Variants in KMT2B observed in about 807,000 individuals in gnomAD.
The protein encoded by KMT2B is histone-lysine N-methyltransferase 2B.
A neutral mutation model predicts 255.3 loss-of-function variants in KMT2B; 22 were observed. The ratio of observed to expected loss-of-function variants is 0.09; its 90% CI spans 0.06 to 0.12. The LOEUF is 0.12. Ranked by LOEUF, KMT2B falls within the 10% of genes least tolerant of loss-of-function variation. KMT2B has a pLI of 1.00. For synonymous variants in KMT2B, 1,730 were observed against 1,498.1 expected, an observed-to-expected ratio of 1.15 and a Z score of -3.57; for missense variants, 3,149 against 3,737.0, an observed-to-expected ratio of 0.84 and a Z score of 4.10.
rs775685548 is a variant in KMT2B, at chr19:35,733,409, G to A, written c.6860G>A (p.Arg2287Gln). ...RVKRVSTFSG[R>Q]SPPAPPPYKA... is the part of the protein sequence containing the mutation. Reference sequence around the variant, plus strand: ...AAGAGGGTGTCCACTTTCTCCGGCCGGTCCCCGCCAGCACCTCCCCCATAC... The same window carrying A: ...AAGAGGGTGTCCACTTTCTCCGGCCAGTCCCCGCCAGCACCTCCCCCATAC... Residue 2287 changes from arginine to glutamine, a missense_variant, in exon 28 of 37, where the codon CGG becomes CAG. Physicochemically the swap from Arg to Gln is conservative, Grantham distance 43. This residue lies in a region of KMT2B where 897 missense variants were observed against 825.3 expected (regional missense o/e 1.09). Transcript: ENST00000420124. This position sits in a 1 kb window ranked among gnomAD's most constrained non-coding sequence, Gnocchi z 4.3. The A allele has an allele frequency of 1.3e-5, 20 of 1,550,154 alleles. No individual in the cohort carries two copies. The highest frequency in any genetic ancestry group is 9.8e-5 in the Admixed American group (5 of 51,224).
chr19:35,729,029 C>T lies in KMT2B; in HGVS notation c.4732C>T (p.Pro1578Ser). The T allele has an allele frequency of 6.2e-7, 1 of 1,614,006 alleles. No homozygotes were observed. Among genetic ancestry groups the T allele is most frequent in the Non-Finnish European group, 8.5e-7 (1 of 1,179,888 alleles). ...DPAAFSHLEDPRQCALCLKYG... is the reference protein window; with the variant it reads ...DPAAFSHLEDSRQCALCLKYG... ...GGCTGCCTTCTCACACCTGGAGGAC[C>T]CCCGTCAGTGTGCACTCTGCCTCAA... is the stretch of plus-strand genomic sequence containing the variant. The change falls in exon 21 of 37, where the codon CCC (proline) becomes TCC (serine). Residue 1578 changes from proline to serine, a missense_variant. This residue lies in a region of KMT2B where 377 missense variants were observed against 471.0 expected (regional missense o/e 0.80). Transcript: ENST00000420124.
chr19:35,731,869 G>A (rs933547942), intron 26 of KMT2B, 39 bp from the exon 27 acceptor site: 2 of 1,466,746 alleles, frequency 1.4e-6, no homozygotes, highest in African/African-American at 2.8e-5. Context: ...CTTTGACACA[G>A]AGCCCCTACC....
In KMT2B at chr19:35,736,955, G is replaced by A. The variant is rs1969939564; in HGVS notation, c.7341G>A (p.Gly2447=). 5.0e-6 allele frequency: 8 copies of A among 1,613,908 alleles called. No homozygotes were observed. The highest frequency in any genetic ancestry group is 1.1e-5 in the South Asian group (1 of 91,060). Residue 2447 remains glycine (G), a synonymous_variant, in exon 32 of 37, where the codon GGG becomes GGA. Transcript: ENST00000420124. ...TLIEKVQEAR[G]HARLRHLSFS... Reference sequence around the variant, plus strand: ...TCGAGAAAGTGCAAGAGGCCCGAGGGCATGCCCGACTCAGACATCTCTCCT... The same window carrying A: ...TCGAGAAAGTGCAAGAGGCCCGAGGACATGCCCGACTCAGACATCTCTCCT...
In KMT2B at chr19:35,725,138, G is replaced by A. The variant is rs140595636; in HGVS notation, c.3528+51G>A. On this transcript the variant is annotated intron_variant, in intron 10 of 36. Coordinates refer to ENST00000420124, the MANE Select transcript of KMT2B (RefSeq NM_014727.3). The surrounding 1 kb of genome is among the most constrained non-coding windows in gnomAD (Gnocchi z 4.1). The stretch of plus-strand genomic sequence containing the variant: ...CAGAGCCTCTGGTTGGAAGAACCTC[G>A]ATGACTGTGTCATCGAGAAGCCAGG... 1.4e-3 allele frequency: 2,259 copies of A among 1,580,286 alleles called. 12 individuals carry two copies. Among genetic ancestry groups the A allele is most frequent in the African/African-American group, 6.0e-3 (445 of 74,290 alleles).
Position 35,719,968 on chromosome 19 carries a change from G to T in KMT2B, c.621G>T (p.Arg207=), listed in dbSNP as rs776026886. The change falls in exon 3 of 37, where the codon CGG becomes CGT. Residue 207 remains arginine (R), a synonymous_variant. Coordinates refer to ENST00000420124, the MANE Select transcript of KMT2B (RefSeq NM_014727.3). Reference sequence around the variant, plus strand: ...GGGCCCAGGCACCCCAAGCACCCCGGAGCCGGGCATGTGAGCCCTCCACCC... The same window carrying T: ...GGGCCCAGGCACCCCAAGCACCCCGTAGCCGGGCATGTGAGCCCTCCACCC... ...LRRAQAPQAP[R]SRACEPSTPR... The T allele has an allele frequency of 3.7e-6, 6 of 1,613,220 alleles. No individual in the cohort carries two copies. The highest frequency in any genetic ancestry group is 2.2e-5 in the East Asian group (1 of 44,860).
At chr19:35,726,167 G>T (rs1026586113) in intron 13 of KMT2B, 69 bp from the exon 14 acceptor site, 9 of 1,183,472 alleles carry the variant, frequency 7.6e-6, no homozygotes, top group Non-Finnish European at 1.1e-5. Context: ...ATTCCTCCTC[G>T]CCCGTCTCCC....
At position 35,719,973 on chromosome 19, in the gene KMT2B, G is replaced by T; in HGVS notation, c.626G>T (p.Arg209Leu). 1 of 1,613,242 alleles carries T rather than the reference G, an allele frequency of 6.2e-7. No individual in the cohort carries two copies. The highest frequency in any genetic ancestry group is 1.3e-5 in the African/African-American group (1 of 75,000). ...RAQAPQAPRS[R>L]ACEPSTPRRS... ...CAGGCACCCCAAGCACCCCGGAGCCGGGCATGTGAGCCCTCCACCCCCCGG... is the reference window on the plus strand; with the variant it reads ...CAGGCACCCCAAGCACCCCGGAGCCTGGCATGTGAGCCCTCCACCCCCCGG... The change falls in exon 3 of 37, where the codon CGG (arginine) becomes CTG (leucine). Residue 209 changes from arginine to leucine, a missense_variant. Transcript: ENST00000420124.
At chr19:35,730,511 T>C (rs745448215) in intron 24 of KMT2B, 27 bp from the exon 25 acceptor site, 3 of 1,613,974 alleles carry the variant, frequency 1.9e-6, no homozygotes, top group Non-Finnish European at 8.5e-7. Context: ...CCTGCCTGCC[T>C]CTCCTGACCT....
At position 35,738,027 on chromosome 19, in the gene KMT2B, T is replaced by TC. The variant is rs758366958; in HGVS notation, c.7743-29dup. On this transcript the variant is annotated intron_variant, in intron 35 of 36. Transcript: ENST00000420124. The surrounding 1 kb of genome is among the most constrained non-coding windows in gnomAD (Gnocchi z 8.7). ...GGGTACTGTCTGGTTTCTGTCCCCC[T>TC]CCCCCCTGAGTTCCCTGTTCATCCT... 1.9e-6 allele frequency: 3 copies of TC among 1,613,002 alleles called. No individual in the cohort carries two copies. In the African/African-American group the frequency reaches 4.0e-5, roughly 22 times the overall value.
In KMT2B at chr19:35,732,075, AACT is replaced by A; in HGVS notation, c.5609_5611del (p.Tyr1870del). 2 of 1,610,030 alleles carry A rather than the reference AACT, an allele frequency of 1.2e-6. No individual in the cohort carries two copies. The highest frequency in any genetic ancestry group is 8.5e-7 in the Non-Finnish European group (1 of 1,178,352). Reference sequence around the variant, plus strand: ...TTCGGGGGCTCGAATCAAAGTGCCCAACTACTCGCCATCCCGGAGGCCCTTGGG... The same window carrying A: ...TTCGGGGGCTCGAATCAAAGTGCCCAACTCGCCATCCCGGAGGCCCTTGGG... On this transcript the variant is annotated inframe_deletion, in exon 27 of 37. Coordinates refer to ENST00000420124, the MANE Select transcript of KMT2B (RefSeq NM_014727.3).
intron 26 of KMT2B, among the ~76,000 whole-genome samples, chr19:35,731,691 C>T (rs1215698686): frequency 2.0e-5 from 3 of 152,110 alleles, no homozygotes; most frequent in Non-Finnish European, 4.4e-5. Flanking sequence ...TGGCAAGGAG[C>T]GAGTGGGGAG....
At position 35,733,405 on chromosome 19, in the gene KMT2B, G is replaced by A. The variant is rs1344970466; in HGVS notation, c.6856G>A (p.Gly2286Ser). The A allele has an allele frequency of 4.5e-6, 7 of 1,547,938 alleles. No homozygotes were observed. Among genetic ancestry groups the A allele is most frequent in the South Asian group, 2.4e-5 (2 of 83,918 alleles). ...IRVKRVSTFS[G>S]RSPPAPPPYK... Reference sequence around the variant, plus strand: ...CGTCAAGAGGGTGTCCACTTTCTCCGGCCGGTCCCCGCCAGCACCTCCCCC... The same window carrying A: ...CGTCAAGAGGGTGTCCACTTTCTCCAGCCGGTCCCCGCCAGCACCTCCCCC... Residue 2286 changes from glycine to serine, a missense_variant, in exon 28 of 37, where the codon GGC becomes AGC. Physicochemically the swap from Gly to Ser is moderately conservative, Grantham distance 56. This residue lies in a region of KMT2B where 897 missense variants were observed against 825.3 expected (regional missense o/e 1.09). Transcript: ENST00000420124. This position sits in a 1 kb window ranked among gnomAD's most constrained non-coding sequence, Gnocchi z 4.3.
In KMT2B at chr19:35,720,458, G is replaced by A. The variant is rs779453478; in HGVS notation, c.1111G>A (p.Glu371Lys). 7.1e-6 allele frequency: 11 copies of A among 1,551,918 alleles called. 1 individual carries two copies. The highest frequency in any genetic ancestry group is 3.3e-4 in the Middle Eastern group (2 of 6,016). Residue 371 changes from glutamate (E) to lysine (K), a missense_variant, in exon 3 of 37, where the codon GAA (glutamate) becomes AAA (lysine). By Grantham distance (56) the Glu-to-Lys change is moderately conservative. Transcript: ENST00000420124. ...TGACGAGGAAGAAGAGAAGAAAGAA[G>A]AAGAAGAAAAAGACAAGGAGGGAGA... ...LDDEEEEKKE[E>K]EEKDKEGEEK... is the part of the protein sequence containing the mutation.
In KMT2B at chr19:35,721,041, C is replaced by T. The variant is rs1314189710; in HGVS notation, c.1694C>T (p.Pro565Leu). The change falls in exon 3 of 37, where the codon CCT becomes CTT. Residue 565 changes from proline (P) to leucine (L), a missense_variant. Coordinates refer to ENST00000420124, the MANE Select transcript of KMT2B (RefSeq NM_014727.3). The part of the protein sequence containing the change: ...PKVEVSPVLR[P>L]PITTSPPVPQ... Reference sequence around the variant, plus strand: ...GTGGAGGTCTCACCTGTCCTGCGACCTCCCATTACCACCTCCCCACCTGTT... The same window carrying T: ...GTGGAGGTCTCACCTGTCCTGCGACTTCCCATTACCACCTCCCCACCTGTT... 8.7e-6 allele frequency: 14 copies of T among 1,609,760 alleles called. No individual in the cohort carries two copies. The highest frequency in any genetic ancestry group is 1.2e-5 in the Non-Finnish European group (14 of 1,178,438).
chr19:35,737,378 T>G lies in KMT2B; in HGVS notation c.7550+115T>G. The G allele has an allele frequency of 8.8e-7, 1 of 1,138,462 alleles. No homozygotes were observed. Among genetic ancestry groups the G allele is most frequent in the Non-Finnish European group, 1.2e-6 (1 of 830,646 alleles). The allele number at this position is 1,138,462 out of a possible 1,614,324, so 70.5% of individuals were successfully genotyped here. ...GCCTGGGGAGGAGACACTAGGTCAC[T>G]TGAAGAGTTATTTCTAGAGTTAGCC... On this transcript the variant is annotated intron_variant, in intron 33 of 36. Coordinates refer to ENST00000420124, the MANE Select transcript of KMT2B (RefSeq NM_014727.3). The surrounding 1 kb of genome is among the most constrained non-coding windows in gnomAD (Gnocchi z 5.3).
intron 30 of KMT2B, among the ~76,000 whole-genome samples, chr19:35,734,646 CTG>C (rs1969848992): frequency 3.9e-5 from 6 of 152,194 alleles, no homozygotes; most frequent in Non-Finnish European, 7.4e-5. Flanking sequence ...TATGCAGAAA[CTG>C]TAATACATGG....
chr19:35,738,376 A>C lies in KMT2B; in HGVS notation c.7967A>C (p.Glu2656Ala). The C allele has an allele frequency of 6.2e-7, 1 of 1,614,092 alleles. No individual in the cohort carries two copies. Among genetic ancestry groups the C allele is most frequent in the Non-Finnish European group, 8.5e-7 (1 of 1,179,966 alleles). Reference protein sequence around the residue: ...NAARFINHSCEPNCFSRVIHV... With the variant: ...NAARFINHSCAPNCFSRVIHV... ...GCCCGCTTCATCAACCACTCCTGTG[A>C]GCCCAACTGCTTCTCTCGGGTCATC... Residue 2656 changes from glutamate (E) to alanine (A), a missense_variant, in exon 37 of 37, where the codon GAG becomes GCG. This residue lies in a region of KMT2B where 56 missense variants were observed against 238.8 expected (regional missense o/e 0.23). Coordinates refer to ENST00000420124, the MANE Select transcript of KMT2B (RefSeq NM_014727.3). This position sits in a 1 kb window ranked among gnomAD's most constrained non-coding sequence, Gnocchi z 8.7.
rs374063316 is a variant in KMT2B at position 35,738,287 on chromosome 19, C to T, written c.7878C>T (p.Ile2626=). 1.1e-5 allele frequency: 17 copies of T among 1,613,508 alleles called. No homozygotes were observed. The highest frequency in any genetic ancestry group is 6.7e-5 in the Admixed American group (4 of 59,960). The change falls in exon 37 of 37, where the codon ATC becomes ATT. Residue 2626 remains isoleucine (I), a synonymous_variant. Coordinates refer to ENST00000420124, the MANE Select transcript of KMT2B (RefSeq NM_014727.3). The surrounding 1 kb of genome is among the most constrained non-coding windows in gnomAD (Gnocchi z 8.7). The stretch of plus-strand genomic sequence containing the variant: ...TCCCCACCTCATCCCTGCAGGGCAT[C>T]GGGTGCTATATGTTCCGCATGGATG... ...KREKFYDGKG[I]GCYMFRMDDF...
At chr19:35,730,179 C>A in intron 23 of KMT2B, 54 bp downstream of exon 23, 14 of 1,609,256 alleles carry the variant, frequency 8.7e-6, no homozygotes, top group Non-Finnish European at 1.2e-5. Context: ...TTCCTGTTCA[C>A]TTAGGGACCC....
Sources: allele counts gnomAD v4.1 joint callset (sites outside exome capture counted in the v4.1 genomes callset), GRCh38; gene constraint gnomAD v4.1.1; regional missense constraint gnomAD v4.1.1; non-coding constraint Gnocchi (gnomAD v3.1); transcripts MANE v1.5; gene names NCBI Gene and HGNC (gene_info 2026-07-23, HGNC 2026-07-21).